The following AFAP1L1 variants were observed in gnomAD, a reference collection of about 807,000 sequenced individuals.
The protein encoded by AFAP1L1 is actin filament-associated protein 1-like 1.
Under a neutral mutation model 99.8 loss-of-function variants are expected in AFAP1L1, and 77 were observed. The observed-to-expected ratio is 0.77, with a 90% CI of 0.64 to 0.93. AFAP1L1 has a LOEUF of 0.93. AFAP1L1 is among the 40% of genes least tolerant of loss of function. The probability of loss-of-function intolerance (pLI) is 0.00; values close to 1 mark genes in which losing one functional copy is unlikely to be tolerated. For missense variants in AFAP1L1, 893 were observed against 996.8 expected (o/e 0.90, Z 1.40); for synonymous variants, 373 against 395.3 (o/e 0.94, Z 0.67).
At chr5:149,292,091 A>G (rs1055152713) in intron 1 of AFAP1L1, among the ~76,000 whole-genome samples, 2 of 152,230 alleles carry the variant, frequency 1.3e-5, no homozygotes, top group African/African-American at 4.8e-5. Context: ...AGCTGTTTCC[A>G]AGCATTTTTG....
rs566850208 is a variant in AFAP1L1 at position 149,319,486 on chromosome 5, T to C, written c.1480-96T>C. On this transcript the variant is annotated intron_variant, in intron 12 of 18. Transcript: ENST00000296721. ...ACCCGAGTATCGGGTACGTAGTCAGTACTTACAAATATTTCTGGGTTTGGC... is the reference window on the plus strand; with the variant it reads ...ACCCGAGTATCGGGTACGTAGTCAGCACTTACAAATATTTCTGGGTTTGGC... The C allele has an allele frequency of 9.3e-6, 13 of 1,404,882 alleles. No individual in the cohort carries two copies. The South Asian group carries it at 1.2e-4, about 13-fold the overall frequency. The allele number at this position is 1,404,882 out of a possible 1,614,324, so 87.0% of individuals were successfully genotyped here.
chr5:149,337,977 G>A (rs1757452231), intron 18 of AFAP1L1, among the ~76,000 whole-genome samples: 1 of 152,214 alleles, frequency 6.6e-6, no homozygotes, highest in South Asian at 2.1e-4. Flanking sequence ...AGAGCAGCTG[G>A]AGCAAAGAGG....
intron 1 of AFAP1L1, among the ~76,000 whole-genome samples, chr5:149,282,570 C>A (rs1755552800): frequency 6.6e-6 from 1 of 152,194 alleles, no homozygotes; most frequent in Non-Finnish European, 1.5e-5. Context: ...GGCCTGCTAC[C>A]TGTCTTTGTA....
chr5:149,305,038 G>T (rs532482621), intron 5 of AFAP1L1, among the ~76,000 whole-genome samples: 1 of 152,318 alleles, frequency 6.6e-6, no homozygotes, highest in South Asian at 2.1e-4. Flanking sequence ...ACTGTGTGTG[G>T]CTTGCTTCCT....
intron 17 of AFAP1L1, among the ~76,000 whole-genome samples, chr5:149,335,023 A>G (rs1280402770): frequency 6.6e-6 from 1 of 152,248 alleles, no homozygotes; most frequent in African/African-American, 2.4e-5. Context: ...GACTAATAAT[A>G]GTACCTACTT....
intron 6 of AFAP1L1, 122 bp downstream of exon 6, chr5:149,306,526 A>G: frequency 1.1e-6 from 1 of 881,826 alleles, no homozygotes; most frequent in Non-Finnish European, 1.7e-6. Flanking sequence ...TGGTCACTAG[A>G]GAGGCCCCAA....
At chr5:149,333,192 CAT>C (rs1208972872) in intron 17 of AFAP1L1, among the ~76,000 whole-genome samples, 6 of 152,242 alleles carry the variant, frequency 3.9e-5, no homozygotes, top group African/African-American at 7.2e-5. Context: ...GAATAACAAA[CAT>C]GTGTGATCCA....
intron 4 of AFAP1L1, 72 bp from the exon 5 acceptor site, chr5:149,302,346 C>G: frequency 2.5e-5 from 27 of 1,095,644 alleles, no homozygotes; most frequent in Non-Finnish European, 3.2e-5. Flanking sequence ...CGAGCTCCTG[C>G]CTCCCTCTCC....
At chr5:149,275,467 CTCTTCT>C (rs141100355) in intron 1 of AFAP1L1, among the ~76,000 whole-genome samples, 10 of 143,510 alleles carry the variant, frequency 7.0e-5, no homozygotes, top group South Asian at 4.4e-4. Context: ...CTTCCTCTTC[CTCTTCT>C]TCTTCTTCTT....
chr5:149,326,917 C>A (rs1420575964), intron 15 of AFAP1L1, among the ~76,000 whole-genome samples: 7 of 152,112 alleles, frequency 4.6e-5, no homozygotes, highest in Non-Finnish European at 8.8e-5. Context: ...AAGTAGACTA[C>A]AATAAAATAG....
At chr5:149,284,890 A>G (rs991984886) in intron 1 of AFAP1L1, among the ~76,000 whole-genome samples, 1 of 152,208 alleles carries the variant, frequency 6.6e-6, no homozygotes, top group Non-Finnish European at 1.5e-5. Flanking sequence ...AGACCAACTC[A>G]CCTTGATGTT....
chr5:149,294,436 A>AGACTT (rs1755957578), intron 1 of AFAP1L1, among the ~76,000 whole-genome samples: 1 of 152,222 alleles, frequency 6.6e-6, no homozygotes, highest in Non-Finnish European at 1.5e-5. Flanking sequence ...AGCTGTCATC[A>AGACTT]GACTTCTGTA....
At chr5:149,291,326 A>T (rs903907870) in intron 1 of AFAP1L1, among the ~76,000 whole-genome samples, 1 of 151,866 alleles carries the variant, frequency 6.6e-6, no homozygotes, top group African/African-American at 2.4e-5. Flanking sequence ...CAACAGACCG[A>T]CACCATCCTG....
intron 8 of AFAP1L1, among the ~76,000 whole-genome samples, chr5:149,311,058 AC>A (rs1275895578): frequency 6.6e-5 from 10 of 150,902 alleles, no homozygotes; most frequent in Non-Finnish European, 1.0e-4. Context: ...GCGATGCCCC[AC>A]CCCCCATTCC....
intron 1 of AFAP1L1, among the ~76,000 whole-genome samples, chr5:149,283,468 A>C (rs1755582272): frequency 6.6e-6 from 1 of 152,192 alleles, no homozygotes; most frequent in South Asian, 2.1e-4. Flanking sequence ...AATTAAATTA[A>C]ACCATATGTA....
intron 1 of AFAP1L1, among the ~76,000 whole-genome samples, chr5:149,293,845 T>C (rs1755936664): frequency 6.6e-6 from 1 of 152,246 alleles, no homozygotes; most frequent in Non-Finnish European, 1.5e-5. Context: ...ATTCTCATTT[T>C]GCCTGTCATA....
At position 149,300,722 on chromosome 5, in the gene AFAP1L1, G is replaced by A. The variant is rs139250693; in HGVS notation, c.229+368G>A. Among the ~76,000 whole-genome samples the A allele has an allele frequency of 8.4e-3, 1,283 of 152,352 alleles. 18 individuals carry two copies. Among genetic ancestry groups the A allele is most frequent in the African/African-American group, 0.03 (1,234 of 41,574 alleles). ...GGCTGCCACGGGCATGGGAGCAGCT[G>A]AGCTGGCTGCATGCAGAGTACCTGC... On this transcript the variant is annotated intron_variant, in intron 3 of 18. Coordinates refer to ENST00000296721, the MANE Select transcript of AFAP1L1 (RefSeq NM_152406.4).
At chr5:149,291,974 A>C (rs945658083) in intron 1 of AFAP1L1, among the ~76,000 whole-genome samples, 3 of 152,216 alleles carry the variant, frequency 2.0e-5, no homozygotes, top group African/African-American at 7.2e-5. Flanking sequence ...AAGAAGGATA[A>C]GTTATCTTTG....
At chr5:149,310,566 A>G (rs999242709) in intron 8 of AFAP1L1, among the ~76,000 whole-genome samples, 2 of 152,232 alleles carry the variant, frequency 1.3e-5, no homozygotes, top group African/African-American at 4.8e-5. Flanking sequence ...CTGCAGCTAC[A>G]CAGAACAATG....
Sources: allele counts gnomAD v4.1 joint callset (sites outside exome capture counted in the v4.1 genomes callset), GRCh38; gene constraint gnomAD v4.1.1; transcripts MANE v1.5; gene names NCBI Gene and HGNC (gene_info 2026-07-23, HGNC 2026-07-21).